CSTF2: variants seen among roughly 807,000 people sequenced by gnomAD.
CSTF2 encodes the protein cleavage stimulation factor subunit 2.
In CSTF2, 8 loss-of-function variants were observed where a neutral mutation model predicts 45.4. That is an observed-to-expected ratio of 0.18 (90% confidence interval 0.10 to 0.32). The LOEUF (loss-of-function observed/expected upper bound fraction) is 0.32, where lower values mean the gene tolerates loss of function less well. Ranked by LOEUF, CSTF2 falls within the 10% of genes least tolerant of loss-of-function variation. CSTF2 has a pLI of 1.00. For synonymous variants in CSTF2, 155 were observed against 158.9 expected, an observed-to-expected ratio of 0.98 and a Z score of 0.18; for missense variants, 253 against 477.1, an observed-to-expected ratio of 0.53 and a Z score of 4.38.
At chrX:100,831,489 T>C in intron 8 of CSTF2, 26 bp from the exon 9 acceptor site, 1 of 1,210,551 alleles carries the variant, frequency 8.3e-7, no homozygotes, top group Non-Finnish European at 1.1e-6. Flanking sequence ...TTCACAGCAG[T>C]AACTCCCCGT....
At chrX:100,838,708 CCTT>C (rs1282920028) in intron 13 of CSTF2, among the ~76,000 whole-genome samples, 1 of 111,884 alleles carries the variant, frequency 8.9e-6, no homozygotes, top group African/African-American at 3.2e-5. Flanking sequence ...TGGTGTGTAT[CCTT>C]CTACAATCAA....
intron 2 of CSTF2, 79 bp from the exon 3 acceptor site, chrX:100,822,172 C>T: frequency 2.6e-6 from 2 of 758,211 alleles, no homozygotes; most frequent in Admixed American, 6.1e-5. Flanking sequence ...TACAGTGGGC[C>T]CAATTAAAGC....
chrX:100,833,932 G>A, intron 11 of CSTF2, among the ~76,000 whole-genome samples: 2 of 112,099 alleles, frequency 1.8e-5, no homozygotes, highest in Non-Finnish European at 3.8e-5. Flanking sequence ...TATATGAAGA[G>A]CTGTTAGTGG....
At position 100,831,563 on chromosome X, in the gene CSTF2, C is replaced by T. The variant is rs769984378; in HGVS notation, c.938C>T (p.Ala313Val). The T allele has an allele frequency of 5.0e-6, 6 of 1,209,385 alleles. No individual in the cohort carries two copies. Among genetic ancestry groups the T allele is most frequent in the African/African-American group, 1.7e-5 (1 of 57,150 alleles). The change falls in exon 9 of 14, where the codon GCG becomes GTG. Residue 313 changes from alanine to valine, a missense_variant. Coordinates refer to ENST00000372972, the MANE Select transcript of CSTF2 (RefSeq NM_001325.3). ...RAAMQRGSLP[A>V]NVPTPRGLLG... is the part of the protein sequence containing the mutation. The stretch of plus-strand genomic sequence containing the variant: ...GCTATGCAGCGGGGATCCTTGCCTG[C>T]GAATGTCCCAACCCCTCGAGGCTTG...
At position 100,833,267 on chromosome X, in the gene CSTF2, C is replaced by T; in HGVS notation, c.1295C>T (p.Ala432Val). 1 of 1,209,911 alleles carries T rather than the reference C, an allele frequency of 8.3e-7. No individual in the cohort carries two copies. Among genetic ancestry groups the T allele is most frequent in the Non-Finnish European group, 1.1e-6 (1 of 894,678 alleles). The change falls in exon 11 of 14, where the codon GCC becomes GTC. Residue 432 changes from alanine to valine, a missense_variant. Physicochemically the swap from Ala to Val is moderately conservative, Grantham distance 64. This residue lies in a region of CSTF2 where 200 missense variants were observed against 294.0 expected (regional missense o/e 0.68). Coordinates refer to ENST00000372972, the MANE Select transcript of CSTF2 (RefSeq NM_001325.3). ...GGGTTAGATGCCAGAGGATTAGAGG[C>T]CCGTGCAATGGAGGCCCGTGCGATG... Reference protein sequence around the residue: ...ARGLDARGLEARAMEARAMEA... With the variant: ...ARGLDARGLEVRAMEARAMEA...
intron 7 of CSTF2, among the ~76,000 whole-genome samples, 153 bp downstream of exon 7, chrX:100,826,910 C>T (rs2084948227): frequency 8.9e-6 from 1 of 111,841 alleles, no homozygotes; most frequent in Non-Finnish European, 1.9e-5. Context: ...TAGTAGATTT[C>T]TTACGTTAAA....
Position 100,823,448 on chromosome X carries a change from T to C in CSTF2, c.444+20T>C, listed in dbSNP as rs2084929227. 8.3e-7 allele frequency: 1 copy of C among 1,208,397 alleles called. No individual in the cohort carries two copies. ...ATGAAGGTGGGAGGAGGCATTAGGTTATGAATAAAGCAAATCACATCAGGT... is the reference window on the plus strand; with the variant it reads ...ATGAAGGTGGGAGGAGGCATTAGGTCATGAATAAAGCAAATCACATCAGGT... On this transcript the variant is annotated intron_variant, in intron 4 of 13. Coordinates refer to ENST00000372972, the MANE Select transcript of CSTF2 (RefSeq NM_001325.3).
Position 100,840,556 on chromosome X carries a change from T to G in CSTF2, c.*4-158T>G, listed in dbSNP as rs975470283. ...TGCAAGGGCTGATTGCTTTGAGGAGTCAGGAGGCAGGAGACAGATACTTTG... is the reference window on the plus strand; with the variant it reads ...TGCAAGGGCTGATTGCTTTGAGGAGGCAGGAGGCAGGAGACAGATACTTTG... On this transcript the variant is annotated intron_variant, in intron 13 of 13. Transcript: ENST00000372972. 5.4e-5 allele frequency among the ~76,000 whole-genome samples: 6 copies of G among 111,193 alleles called. No individual in the cohort carries two copies. In the East Asian group the frequency reaches 1.7e-3, roughly 32 times the overall value.
chrX:100,838,501 A>G, intron 13 of CSTF2, 137 bp downstream of exon 13: 1 of 485,118 alleles, frequency 2.1e-6, no homozygotes, highest in Non-Finnish European at 3.1e-6. Flanking sequence ...ACCCTTCAGT[A>G]GGTCAGCTCC....
chrX:100,827,869 A>G (rs1478683175), intron 7 of CSTF2, among the ~76,000 whole-genome samples, 171 bp from the exon 8 acceptor site: 1 of 112,364 alleles, frequency 8.9e-6, no homozygotes, highest in East Asian at 2.8e-4. Context: ...TACAAATTGT[A>G]AATATACTAA....
In CSTF2 at chrX:100,824,210, G is replaced by T; in HGVS notation, c.655G>T (p.Val219Leu). ...TGCTGGGCCTGGCTCAGGATCCAATGTGTCAATGAACCAGCAGAATCCTCA... is the reference window on the plus strand; with the variant it reads ...TGCTGGGCCTGGCTCAGGATCCAATTTGTCAATGAACCAGCAGAATCCTCA... ...HGAGPGSGSN[V>L]SMNQQNPQAP... Residue 219 changes from valine to leucine, a missense_variant, in exon 6 of 14, where the codon GTG becomes TTG. This residue lies in a region of CSTF2 where 200 missense variants were observed against 294.0 expected (regional missense o/e 0.68). Coordinates refer to ENST00000372972, the MANE Select transcript of CSTF2 (RefSeq NM_001325.3). 1 of 1,211,817 alleles carries T rather than the reference G, an allele frequency of 8.3e-7. No homozygotes were observed. Among genetic ancestry groups the T allele is most frequent in the East Asian group, 3.0e-5 (1 of 33,873 alleles).
At chrX:100,824,094 C>T in intron 5 of CSTF2, 26 bp from the exon 6 acceptor site, 2 of 1,209,517 alleles carry the variant, frequency 1.7e-6, no homozygotes, top group Non-Finnish European at 2.2e-6. Context: ...ACAGACAGCT[C>T]ATAGGTTTGT....
In CSTF2 at chrX:100,823,282, T is replaced by C; in HGVS notation, c.308-10T>C. On this transcript the variant is annotated splice_polypyrimidine_tract_variant and intron_variant, in intron 3 of 13. Transcript: ENST00000372972. ...CCTCCCTAACTTTCTTGTACTTTCTTCTTGATTAGGCCTTGGCACTGGTGC... is the reference window on the plus strand; with the variant it reads ...CCTCCCTAACTTTCTTGTACTTTCTCCTTGATTAGGCCTTGGCACTGGTGC... 1 of 1,203,719 alleles carries C rather than the reference T, an allele frequency of 8.3e-7. No individual in the cohort carries two copies. Among genetic ancestry groups the C allele is most frequent in the Non-Finnish European group, 1.1e-6 (1 of 892,474 alleles).
At chrX:100,831,223 A>C (rs778566020) in intron 8 of CSTF2, among the ~76,000 whole-genome samples, 16 of 111,388 alleles carry the variant, frequency 1.4e-4, no homozygotes, top group Non-Finnish European at 2.8e-4. Flanking sequence ...TGGTCCTTGA[A>C]CTAAGATTGA....
chrX:100,836,448 G>A (rs913008367), intron 11 of CSTF2, among the ~76,000 whole-genome samples: 3 of 111,925 alleles, frequency 2.7e-5, no homozygotes, highest in Non-Finnish European at 3.8e-5. Context: ...TTATTTATCC[G>A]TATTTCTTTT....
In CSTF2 at chrX:100,830,827, C is replaced by T. The variant is rs1350550729; in HGVS notation, c.890-688C>T. On this transcript the variant is annotated intron_variant, in intron 8 of 13. Transcript: ENST00000372972. ...ACCTAGGAACCCTACAGCACTCGCC[C>T]GTGGGACCCGCCGGGCCTGCATCAA... The T allele has an allele frequency of 1.7e-5, 20 of 1,152,248 alleles. No homozygotes were observed. The East Asian group carries it at 2.9e-4, about 17-fold the overall frequency. The allele number at this position is 1,152,248 out of a possible 1,213,427, so 95.0% of individuals were successfully genotyped here.
chrX:100,822,164 C>T (rs1180628348), intron 2 of CSTF2, 87 bp from the exon 3 acceptor site: 10 of 689,702 alleles, frequency 1.4e-5, no homozygotes, highest in East Asian at 3.4e-5. Flanking sequence ...ATTTATGTTA[C>T]AGTGGGCCCA....
chrX:100,838,177 T>C, intron 12 of CSTF2, 62 bp from the exon 13 acceptor site: 1 of 1,057,232 alleles, frequency 9.5e-7, no homozygotes, highest in Non-Finnish European at 1.2e-6. Flanking sequence ...TTTTTTGTTT[T>C]GTTTTGTATT....
At chrX:100,833,079 A>G in intron 10 of CSTF2, 101 bp from the exon 11 acceptor site, 1 of 1,021,915 alleles carries the variant, frequency 9.8e-7, no homozygotes, top group Non-Finnish European at 1.3e-6. Flanking sequence ...CTGAGGGGAC[A>G]AATGTGACTA....
Sources: allele counts gnomAD v4.1 joint callset (sites outside exome capture counted in the v4.1 genomes callset), GRCh38; gene constraint gnomAD v4.1.1; regional missense constraint gnomAD v4.1.1; transcripts MANE v1.5; gene names NCBI Gene and HGNC (gene_info 2026-07-23, HGNC 2026-07-21).